The following LMNA variants were observed in gnomAD, a reference collection of about 807,000 sequenced individuals.
LMNA encodes the protein lamin A/C.
LMNA carries 20 observed loss-of-function variants against 70.4 expected under a neutral mutation model. The observed-to-expected ratio is 0.28, with a 90% CI of 0.20 to 0.41. The LOEUF is 0.41. Ranked by LOEUF, LMNA falls within the 10% of genes least tolerant of loss-of-function variation. The pLI, the probability that LMNA is intolerant of heterozygous loss-of-function variation, is 1.00. For missense variants in LMNA, 652 were observed against 917.2 expected (o/e 0.71, Z 3.73); for synonymous variants, 339 against 372.8 (o/e 0.91, Z 1.04).
intron 1 of LMNA, chr1:156,129,893 A>C: frequency 1.3e-6 from 1 of 768,792 alleles, no homozygotes; most frequent in South Asian, 1.4e-5. Flanking sequence ...CCAGATGCTG[A>C]GGCTATGGTA....
intron 1 of LMNA, among the ~76,000 whole-genome samples, chr1:156,125,326 A>T (rs571511416): frequency 1.3e-5 from 2 of 152,176 alleles, no homozygotes; most frequent in Admixed American, 1.3e-4. Context: ...GGGTGGTAGG[A>T]GTGGCTTGGG....
chr1:156,136,847 G>A lies in LMNA; in HGVS notation c.1381-74G>A. 8.0e-7 allele frequency: 1 copy of A among 1,256,336 alleles called. No homozygotes were observed. The allele number at this position is 1,256,336 out of a possible 1,614,324, so 77.8% of individuals were successfully genotyped here. A position where few individuals can be genotyped will look rare whatever the true frequency, so the allele number is the denominator to read the frequency against. ...CTCAATTGCAGGCAGGCAGAGGGCT[G>A]GGCCTTTGAGCAAGATACACCCAAG... On this transcript the variant is annotated intron_variant, in intron 7 of 11. Transcript: ENST00000368300. The surrounding 1 kb of genome is among the most constrained non-coding windows in gnomAD (Gnocchi z 6.1).
At chr1:156,083,200 T>G (rs985503968) in intron 2 of LMNA, 2 of 152,380 alleles carry the variant, frequency 1.3e-5, no homozygotes, top group Non-Finnish European at 2.9e-5. Context: ...TTAGTTCACG[T>G]CCTTCTGCTC....
In LMNA at chr1:156,135,261, G is replaced by A. The variant is rs776999079; in HGVS notation, c.885G>A (p.Ser295=). Residue 295 remains serine (S), a synonymous_variant, in exon 5 of 12, where the codon TCG becomes TCA. Coordinates refer to ENST00000368300, the MANE Select transcript of LMNA (RefSeq NM_170707.4). This position sits in a 1 kb window ranked among gnomAD's most constrained non-coding sequence, Gnocchi z 4.8. ...VGAAHEELQQ[S]RIRIDSLSAQ... is the part of the protein sequence containing the mutation. ...CTGCCCACGAGGAGCTGCAGCAGTC[G>A]CGCATCCGCATCGACAGCCTCTCTG... 57 of 1,613,492 alleles carry A rather than the reference G, an allele frequency of 3.5e-5. No individual in the cohort carries two copies. Among genetic ancestry groups the A allele is most frequent in the East Asian group, 8.9e-5 (4 of 44,900 alleles).
chr1:156,133,094 C>T (rs1166471858), intron 2 of LMNA, among the ~76,000 whole-genome samples: 1 of 151,864 alleles, frequency 6.6e-6, no homozygotes, highest in African/African-American at 2.4e-5. Context: ...CCCGCCTCAG[C>T]CTCCCAAAGT....
chr1:156,091,894 T>C (rs1648717464), intron 3 of LMNA, among the ~76,000 whole-genome samples: 2 of 151,858 alleles, frequency 1.3e-5, no homozygotes, highest in Non-Finnish European at 2.9e-5. Flanking sequence ...CAGGACAACA[T>C]AGTGAGACCC....
chr1:156,096,158 T>C (rs1260523505), intron 3 of LMNA, among the ~76,000 whole-genome samples: 2 of 152,224 alleles, frequency 1.3e-5, no homozygotes, highest in African/African-American at 4.8e-5. Flanking sequence ...GGTGTTCCTT[T>C]TTGGCCTTCT....
Position 156,134,224 on chromosome 1 carries a change from G to A in LMNA, c.514-179G>A, listed in dbSNP as rs1312526429. Reference sequence around the variant, plus strand: ...GATATATATTTTCTCTCTTAGCACAGTACCTACCAAGAGTGAGTGAGTAGA... The same window carrying A: ...GATATATATTTTCTCTCTTAGCACAATACCTACCAAGAGTGAGTGAGTAGA... On this transcript the variant is annotated intron_variant, in intron 2 of 11. Transcript: ENST00000368300. This position sits in a 1 kb window ranked among gnomAD's most constrained non-coding sequence, Gnocchi z 5.3. 2.6e-5 allele frequency among the ~76,000 whole-genome samples: 4 copies of A among 152,268 alleles called. No individual in the cohort carries two copies. The highest frequency in any genetic ancestry group is 2.1e-4 in the South Asian group (1 of 4,822).
chr1:156,126,046 C>G, intron 1 of LMNA: 1 of 429,750 alleles, frequency 2.3e-6, no homozygotes, highest in Non-Finnish European at 3.8e-6. Flanking sequence ...TAAAATTAAA[C>G]AAATTAGATG....
intron 3 of LMNA, among the ~76,000 whole-genome samples, chr1:156,108,070 AT>A (rs1051214893): frequency 2.6e-5 from 4 of 152,120 alleles, no homozygotes; most frequent in African/African-American, 9.7e-5. Flanking sequence ...CCCAGCCGGA[AT>A]TTGGGTTCTT....
At chr1:156,106,746 AAGG>A (rs987642552) in intron 3 of LMNA, 5 of 148,260 alleles carry the variant, frequency 3.4e-5, no homozygotes, top group South Asian at 2.1e-4. Flanking sequence ...AAGAGAAAGG[AAGG>A]AGATGTCACT....
intron 3 of LMNA, among the ~76,000 whole-genome samples, chr1:156,102,333 G>A (rs746625781): frequency 2.6e-5 from 4 of 152,120 alleles, no homozygotes; most frequent in Non-Finnish European, 5.9e-5. Context: ...AAGTTCTCTG[G>A]GCCTGGGGTA....
chr1:156,135,405 G>GC lies in LMNA; in HGVS notation c.936+93_936+94insC. On this transcript the variant is annotated intron_variant, in intron 5 of 11. Transcript: ENST00000368300. This position sits in a 1 kb window ranked among gnomAD's most constrained non-coding sequence, Gnocchi z 4.8. ...GGGTTGGGGGTGGGGGTGGGGGTGGGAGGTTCCTGAGGAGGAGAGGGATGA... is the reference window on the plus strand; with the variant it reads ...GGGTTGGGGGTGGGGGTGGGGGTGGGCAGGTTCCTGAGGAGGAGAGGGATGA... 1.1e-5 allele frequency: 7 copies of GC among 619,576 alleles called. No homozygotes were observed. The highest frequency in any genetic ancestry group is 1.9e-5 in the Non-Finnish European group (7 of 362,892). The allele number at this position is 619,576 out of a possible 1,614,324, so 38.4% of individuals were successfully genotyped here. A position where few individuals can be genotyped will look rare whatever the true frequency, so the allele number is the denominator to read the frequency against.
chr1:156,082,839 G>C (rs1055898110), intron 1 of LMNA: 1 of 152,244 alleles, frequency 6.6e-6, no homozygotes, highest in Admixed American at 6.5e-5. Flanking sequence ...GGGGCCGGGG[G>C]CGGGGAGCCG....
At chr1:156,126,448 C>T (rs1650583968) in intron 1 of LMNA, 1 of 621,352 alleles carries the variant, frequency 1.6e-6, no homozygotes, top group Non-Finnish European at 2.9e-6. Context: ...GCCCTGGCTT[C>T]CATATCTGGC....
At chr1:156,085,039 C>T (rs577622971) in intron 2 of LMNA, among the ~76,000 whole-genome samples, 16 of 152,356 alleles carry the variant, frequency 1.1e-4, no homozygotes, top group Non-Finnish European at 2.2e-4. Context: ...GACCCACCAA[C>T]AAGAATGAAT....
At chr1:156,110,868 C>A (rs1021079837), upstream of LMNA, among the ~76,000 whole-genome samples, 11 of 151,898 alleles carry the variant, frequency 7.2e-5, no homozygotes, top group African/African-American at 2.7e-4. Context: ...CCCAGCAACC[C>A]TTGAGGCTGA....
At chr1:156,092,354 G>A (rs1648739460) in intron 3 of LMNA, among the ~76,000 whole-genome samples, 1 of 152,012 alleles carries the variant, frequency 6.6e-6, no homozygotes, top group South Asian at 2.1e-4. Flanking sequence ...TCCAGATTGG[G>A]TGACAGAGCG....
chr1:156,132,309 C>A (rs2908712), intron 2 of LMNA, among the ~76,000 whole-genome samples: 16,380 of 151,476 alleles, frequency 0.11, 1,664 homozygotes, highest in African/African-American at 0.27. Context: ...ATCTCTACTA[C>A]AAATACAAAA....
Sources: allele counts gnomAD v4.1 joint callset (sites outside exome capture counted in the v4.1 genomes callset), GRCh38; gene constraint gnomAD v4.1.1; non-coding constraint Gnocchi (gnomAD v3.1); transcripts MANE v1.5; gene names NCBI Gene and HGNC (gene_info 2026-07-23, HGNC 2026-07-21).